Variants in ELP2 observed in about 807,000 individuals in gnomAD.
ELP2 encodes the protein elongator complex protein 2.
A neutral mutation model predicts 119.2 loss-of-function variants in ELP2; 90 were observed. The ratio of observed to expected loss-of-function variants is 0.75; its 90% CI spans 0.64 to 0.90. ELP2 has a LOEUF of 0.90. Ranked by LOEUF, ELP2 falls within the 40% of genes least tolerant of loss-of-function variation. The probability of loss-of-function intolerance (pLI) is 0.00; values close to 1 mark genes in which losing one functional copy is unlikely to be tolerated. For synonymous variants in ELP2, 339 were observed against 331.0 expected (o/e 1.02, Z -0.26); for missense variants, 921 against 967.8 (o/e 0.95, Z 0.64).
intron 11 of ELP2, among the ~76,000 whole-genome samples, chr18:36,148,154 C>T (rs924339336): frequency 2.7e-5 from 4 of 147,568 alleles, no homozygotes; most frequent in Non-Finnish European, 4.5e-5. Context: ...AGTGCAGTGG[C>T]GCTATCTCGG....
chr18:36,161,656 C>T (rs1338461983), intron 17 of ELP2, among the ~76,000 whole-genome samples: 9 of 152,136 alleles, frequency 5.9e-5, no homozygotes, highest in African/African-American at 1.9e-4. Flanking sequence ...GTCTGAAACC[C>T]ACACATTCGT....
rs768726763 is a variant in ELP2 at position 36,160,888 on chromosome 18, T to C, written c.1689-44T>C. On this transcript the variant is annotated intron_variant, in intron 16 of 21. Transcript: ENST00000358232. ...TTTCAAAAATTGTGTGGCATGAGAA[T>C]AGATTCATTTGCTAATAGTACTTTT... 5.3e-5 allele frequency: 69 copies of C among 1,298,498 alleles called. No individual in the cohort carries two copies. In the East Asian group the frequency reaches 1.2e-3, roughly 23 times the overall value. The allele number at this position is 1,298,498 out of a possible 1,614,324, so 80.4% of individuals were successfully genotyped here. A position where few individuals can be genotyped will look rare whatever the true frequency, so the allele number is the denominator to read the frequency against.
intron 11 of ELP2, among the ~76,000 whole-genome samples, chr18:36,153,434 T>G (rs1039538005): frequency 2.6e-5 from 4 of 152,136 alleles, no homozygotes; most frequent in African/African-American, 9.7e-5. Context: ...GAAAACTCTC[T>G]CTCTTACACC....
At position 36,158,866 on chromosome 18, in the gene ELP2, T is replaced by A; in HGVS notation, c.1496T>A (p.Val499Asp). The A allele has an allele frequency of 6.2e-7, 1 of 1,611,644 alleles. No homozygotes were observed. Residue 499 changes from valine to aspartate, a missense_variant, in exon 14 of 22, where the codon GTC becomes GAC. Transcript: ENST00000358232. ...QDSDLPEGAT[V>D]PALGLSNKAV... ...AGTGATCTTCCAGAAGGAGCCACTG[T>A]CCCTGCATTGGGATTATCAAATAAA...
intron 11 of ELP2, among the ~76,000 whole-genome samples, chr18:36,152,629 T>G (rs78218101): frequency 0.056 from 8,469 of 152,302 alleles, 298 homozygotes; most frequent in East Asian, 0.097. Flanking sequence ...TCCCCATTTT[T>G]GGGGGTAAAC....
At chr18:36,155,264 T>TCCCCC (rs60227416) in intron 12 of ELP2, among the ~76,000 whole-genome samples, 6 of 100,306 alleles carry the variant, frequency 6.0e-5, no homozygotes, top group Admixed American at 1.1e-4. Context: ...GCACCGCCCC[T>TCCCCC]CCCCCCCCCC....
intron 12 of ELP2, among the ~76,000 whole-genome samples, chr18:36,155,528 A>T (rs549020777): frequency 1.3e-5 from 2 of 152,264 alleles, no homozygotes; most frequent in Admixed American, 6.5e-5. Context: ...GCTATTGGGG[A>T]TGCAGAATGA....
intron 11 of ELP2, among the ~76,000 whole-genome samples, chr18:36,148,363 C>T (rs1000089263): frequency 2.0e-5 from 3 of 152,090 alleles, no homozygotes; most frequent in Admixed American, 6.5e-5. Flanking sequence ...TGACCCACTG[C>T]GCCCAGCTGG....
At chr18:36,159,301 C>T (rs1206204645) in intron 14 of ELP2, among the ~76,000 whole-genome samples, 1 of 152,036 alleles carries the variant, frequency 6.6e-6, no homozygotes. Context: ...TTAGTAGAGA[C>T]AGGGTTTCAC....
intron 17 of ELP2, among the ~76,000 whole-genome samples, chr18:36,163,275 G>GGGGGGGGTGTGTGTGTGTGTGT (rs1555644861): frequency 2.7e-5 from 4 of 145,480 alleles, no homozygotes; most frequent in African/African-American, 1.0e-4. Context: ...GTTCATGGGG[G>GGGGGGGGTGTGTGTGTGTGTGT]GTGTGTGTGT....
chr18:36,142,450 TTA>T lies in ELP2; in HGVS notation c.655+105_655+106del, dbSNP rs2090063924. On this transcript the variant is annotated intron_variant, in intron 7 of 21. Transcript: ENST00000358232. ...TTAATTTTTAAGTTTTCTTTGTATG[TTA>T]TGTTTTTCTATTGTCCCAATTAGAA... 5.7e-5 allele frequency: 56 copies of T among 991,068 alleles called. No individual in the cohort carries two copies. In the South Asian group the frequency reaches 6.8e-4, roughly 12 times the overall value. The allele number at this position is 991,068 out of a possible 1,614,324, so 61.4% of individuals were successfully genotyped here. A position where few individuals can be genotyped will look rare whatever the true frequency, so the allele number is the denominator to read the frequency against.
rs1440031588 is a variant in ELP2, at chr18:36,176,397, A to T, written c.*1756A>T. On this transcript the variant is annotated 3_prime_UTR_variant, in exon 22 of 22. Coordinates refer to ENST00000358232, the MANE Select transcript of ELP2 (RefSeq NM_018255.4). ...TATCAGCTGAGGAATCTTTACCCACATTGACACATGGGCTTGTTCTGACCC... is the reference window on the plus strand; with the variant it reads ...TATCAGCTGAGGAATCTTTACCCACTTTGACACATGGGCTTGTTCTGACCC... 1 of 152,198 alleles carries T rather than the reference A, an allele frequency of 6.6e-6. No homozygotes were observed. The highest frequency in any genetic ancestry group is 1.5e-5 in the Non-Finnish European group (1 of 68,038). The allele number at this position is 152,198 out of a possible 1,614,324, so 9.4% of individuals were successfully genotyped here. A position where few individuals can be genotyped will look rare whatever the true frequency, so the allele number is the denominator to read the frequency against.
intron 19 of ELP2, among the ~76,000 whole-genome samples, chr18:36,167,956 C>T (rs940671394): frequency 2.6e-5 from 4 of 152,210 alleles, no homozygotes; most frequent in Non-Finnish European, 5.9e-5. Context: ...GAATTACAGG[C>T]ATGAGCCACC....
intron 16 of ELP2, among the ~76,000 whole-genome samples, chr18:36,160,238 A>G (rs1238125978): frequency 6.6e-6 from 1 of 151,944 alleles, no homozygotes; most frequent in Non-Finnish European, 1.5e-5. Context: ...TATTCATCTT[A>G]TTTTTAAAGT....
chr18:36,139,971 A>T (rs1017223811), intron 5 of ELP2, among the ~76,000 whole-genome samples: 1 of 150,898 alleles, frequency 6.6e-6, no homozygotes, highest in Non-Finnish European at 1.5e-5. Flanking sequence ...ACCTCAGCCA[A>T]GTGGCTGGGA....
At chr18:36,151,060 G>A (rs2090381678) in intron 11 of ELP2, among the ~76,000 whole-genome samples, 2 of 147,540 alleles carry the variant, frequency 1.4e-5, no homozygotes, top group African/African-American at 2.5e-5. Flanking sequence ...ATTTTTCACT[G>A]TAGTCTCTGC....
chr18:36,145,931 TA>T lies in ELP2; in HGVS notation c.893-16del, dbSNP rs774719978. On this transcript the variant is annotated splice_polypyrimidine_tract_variant and intron_variant, in intron 9 of 21. Transcript: ENST00000358232. ...ATGATTGTTGATCACCTAAAGGGAT[TA>T]GGTTTTATTTTTTAGATGGTGTCCT... 1 of 1,595,480 alleles carries T rather than the reference TA, an allele frequency of 6.3e-7. No homozygotes were observed. Among genetic ancestry groups the T allele is most frequent in the Non-Finnish European group, 8.6e-7 (1 of 1,162,962 alleles).
At chr18:36,132,668 C>G (rs1449558931) in intron 1 of ELP2, among the ~76,000 whole-genome samples, 1 of 152,136 alleles carries the variant, frequency 6.6e-6, no homozygotes, top group Non-Finnish European at 1.5e-5. Context: ...GCAATAGGCC[C>G]TGCAGGAATC....
Position 36,178,330 on chromosome 18 carries a change from G to T in ELP2, c.*3689G>T, listed in dbSNP as rs944292084. 1 of 152,208 alleles carries T rather than the reference G, an allele frequency of 6.6e-6. No individual in the cohort carries two copies. Among genetic ancestry groups the T allele is most frequent in the African/African-American group, 2.4e-5 (1 of 41,424 alleles). 9.4% of individuals were successfully genotyped at this position (152,208 alleles called of 1,614,324 possible). The stretch of plus-strand genomic sequence containing the variant: ...TTATAGGGTCAGAAAACAGGTAAGT[G>T]GTTACCAGGGGCTGGGAATGGGGAG... On this transcript the variant is annotated 3_prime_UTR_variant, in exon 22 of 22. Coordinates refer to ENST00000358232, the MANE Select transcript of ELP2 (RefSeq NM_018255.4).
Sources: gnomAD v4.1 joint callset for allele counts (sites outside exome capture counted in the v4.1 genomes callset) on GRCh38, gnomAD v4.1.1 for gene constraint, MANE v1.5 for transcripts, NCBI Gene and HGNC (gene_info 2026-07-23, HGNC 2026-07-21) for gene names.